Variants in TMEM45B observed in about 807,000 individuals in gnomAD.
The protein encoded by TMEM45B is transmembrane protein 45B.
Under a neutral mutation model 27.3 loss-of-function variants are expected in TMEM45B, and 29 were observed. That is an observed-to-expected ratio of 1.06 (90% CI 0.79 to 1.45). TMEM45B has a LOEUF of 1.45. TMEM45B is among the 40% of genes most tolerant of loss of function. The pLI is 0.00. For missense variants in TMEM45B, 348 were observed against 343.9 expected, an observed-to-expected ratio of 1.01 and a Z score of -0.09; for synonymous variants, 143 against 134.7, an observed-to-expected ratio of 1.06 and a Z score of -0.43.
chr11:129,827,706 G>C (rs1413078597), intron 1 of TMEM45B, among the ~76,000 whole-genome samples: 1 of 152,136 alleles, frequency 6.6e-6, no homozygotes, highest in Non-Finnish European at 1.5e-5. Context: ...GAGAGGCTGA[G>C]ACAGGAGAAT....
Position 129,858,608 on chromosome 11 carries a change from G to T in TMEM45B, c.751G>T (p.Glu251Ter), listed in dbSNP as rs1478836561. 1 of 1,588,022 alleles carries T rather than the reference G, an allele frequency of 6.3e-7. No individual in the cohort carries two copies. The highest frequency in any genetic ancestry group is 2.3e-5 in the East Asian group (1 of 44,388). ...TCGGATGAAGAGACACGGAAGGGGAGAAATCATTGGAATTCAGAAGCTGAA... is the reference window on the plus strand; with the variant it reads ...TCGGATGAAGAGACACGGAAGGGGATAAATCATTGGAATTCAGAAGCTGAA... Reference protein sequence around the residue: ...LTRMKRHGRGEIIGIQKLNSD... With the variant: ...LTRMKRHGRG The change falls in exon 6 of 6, where the codon GAA becomes TAA. Residue 251 changes from glutamate (E) to a stop codon, truncating the protein, a stop_gained. Transcript: ENST00000281441. LOFTEE classifies it high-confidence loss of function.
Position 129,826,410 on chromosome 11 carries a change from G to A in TMEM45B, c.-9+10512G>A, listed in dbSNP as rs377466981. ...TAAAAATACAAAAAATTAGCTGGGC[G>A]TGGTGGCGGGTGCCTGTAGTCCCAG... On this transcript the variant is annotated intron_variant, in intron 1 of 5. Coordinates refer to ENST00000281441, the MANE Select transcript of TMEM45B (RefSeq NM_138788.5). Among the ~76,000 whole-genome samples, 8 of 151,682 alleles carry A rather than the reference G, an allele frequency of 5.3e-5. No individual in the cohort carries two copies. The East Asian group carries it at 7.9e-4, about 15-fold the overall frequency.
chr11:129,819,340 C>T (rs1285385512), intron 1 of TMEM45B, among the ~76,000 whole-genome samples: 1 of 152,136 alleles, frequency 6.6e-6, no homozygotes, highest in Non-Finnish European at 1.5e-5. Context: ...TCTCAGAGAA[C>T]GAGAAGTCTG....
chr11:129,818,445 G>A (rs764333940), intron 1 of TMEM45B, among the ~76,000 whole-genome samples: 2 of 152,294 alleles, frequency 1.3e-5, no homozygotes, highest in Admixed American at 6.5e-5. Flanking sequence ...AGCACAAGGC[G>A]ATGTTTGTAA....
intron 1 of TMEM45B, among the ~76,000 whole-genome samples, chr11:129,833,211 G>A (rs1394488782): frequency 6.6e-6 from 1 of 150,496 alleles, no homozygotes; most frequent in Non-Finnish European, 1.5e-5. Context: ...CTGCACCCCA[G>A]CCTGGGCGAC....
At chr11:129,844,158 T>C (rs1209466867) in intron 1 of TMEM45B, among the ~76,000 whole-genome samples, 1 of 152,170 alleles carries the variant, frequency 6.6e-6, no homozygotes, top group African/African-American at 2.4e-5. Context: ...ACAACATGGA[T>C]GAACCTTGAA....
intron 1 of TMEM45B, among the ~76,000 whole-genome samples, chr11:129,816,736 T>TA: frequency 7.6e-6 from 1 of 131,100 alleles, no homozygotes; most frequent in Non-Finnish European, 1.7e-5. Flanking sequence ...CCACTTCTTT[T>TA]TTTTTTTTTT....
chr11:129,824,161 G>C (rs978400181), intron 1 of TMEM45B, among the ~76,000 whole-genome samples: 1 of 152,130 alleles, frequency 6.6e-6, no homozygotes, highest in Non-Finnish European at 1.5e-5. Context: ...CACTGGGGCT[G>C]TTTATTTCTC....
At chr11:129,837,398 G>C (rs1947633580) in intron 1 of TMEM45B, among the ~76,000 whole-genome samples, 1 of 151,650 alleles carries the variant, frequency 6.6e-6, no homozygotes, top group Non-Finnish European at 1.5e-5. Context: ...AGATTCTCCT[G>C]CCTCAGCCTC....
chr11:129,834,933 G>A lies in TMEM45B; in HGVS notation c.-8-17542G>A, dbSNP rs1362372658. 2.0e-5 allele frequency among the ~76,000 whole-genome samples: 3 copies of A among 152,306 alleles called. No individual in the cohort carries two copies. The East Asian group carries it at 5.8e-4, about 29-fold the overall frequency. On this transcript the variant is annotated intron_variant, in intron 1 of 5. Transcript: ENST00000281441. ...CGTACTTCTGGTGAGATCTTGGACA[G>A]AAATGAGGAACATGATATTAGAAAC...
chr11:129,833,129 A>T (rs982393249), intron 1 of TMEM45B, among the ~76,000 whole-genome samples: 10 of 151,910 alleles, frequency 6.6e-5, no homozygotes, highest in African/African-American at 2.4e-4. Context: ...AGTCCCAGCT[A>T]CTTGGGAGGC....
At chr11:129,851,265 C>A (rs1029759595) in intron 1 of TMEM45B, among the ~76,000 whole-genome samples, 2 of 152,048 alleles carry the variant, frequency 1.3e-5, no homozygotes, top group East Asian at 1.9e-4. Flanking sequence ...TCTTCTCGGC[C>A]GGGTGTGGTG....
rs1405640579 is a variant in TMEM45B, at chr11:129,818,101, C to T, written c.-9+2203C>T. ...TTAGAGGCCACAGGTGAGTGCTGTC[C>T]TCCTCACACTTTCTTTGAACTCTTA... On this transcript the variant is annotated intron_variant, in intron 1 of 5. Coordinates refer to ENST00000281441, the MANE Select transcript of TMEM45B (RefSeq NM_138788.5). Among the ~76,000 whole-genome samples the T allele has an allele frequency of 3.3e-5, 5 of 152,280 alleles. No individual in the cohort carries two copies. In the East Asian group the frequency reaches 9.6e-4, roughly 29 times the overall value.
chr11:129,836,933 A>G (rs1947627005), intron 1 of TMEM45B, among the ~76,000 whole-genome samples: 2 of 152,222 alleles, frequency 1.3e-5, no homozygotes. Context: ...CACATATTAT[A>G]TAATTCAATT....
rs568668059 is a variant in TMEM45B, at chr11:129,856,591, G to A, written c.570+699G>A. Among the ~76,000 whole-genome samples, 355 of 108,964 alleles carry A rather than the reference G, an allele frequency of 3.3e-3. 8 individuals carry two copies. The highest frequency in any genetic ancestry group is 0.013 in the African/African-American group (334 of 26,524). 71.5% of individuals were successfully genotyped at this position (108,964 alleles called of 152,430 possible). On this transcript the variant is annotated intron_variant, in intron 4 of 5. Coordinates refer to ENST00000281441, the MANE Select transcript of TMEM45B (RefSeq NM_138788.5). The stretch of plus-strand genomic sequence containing the variant: ...TTTTTTTTTTCTGAGACAGAGTCTC[G>A]CTTTGTCGCCCAGGCTGGAGTGCAG...
At chr11:129,842,741 G>T (rs1308958522) in intron 1 of TMEM45B, among the ~76,000 whole-genome samples, 2 of 152,192 alleles carry the variant, frequency 1.3e-5, no homozygotes, top group Admixed American at 1.3e-4. Flanking sequence ...TGCTAGCGTT[G>T]ATTTCTTTTT....
chr11:129,826,712 TTTTTTTTTTTTTTGAGACGGA>T (rs1947488123), intron 1 of TMEM45B, among the ~76,000 whole-genome samples: 4 of 41,448 alleles, frequency 9.7e-5, no homozygotes, highest in African/African-American at 2.6e-4. Context: ...TTTGTTTTTC[TTTTTTTTTTTTTTGAGACGGA>T]GTCTCGATCT....
At chr11:129,848,396 C>A (rs2248097) in intron 1 of TMEM45B, among the ~76,000 whole-genome samples, 47 of 148,696 alleles carry the variant, frequency 3.2e-4, no homozygotes, top group Non-Finnish European at 6.1e-4. Context: ...GCCTGCAATC[C>A]CAGGCACTCG....
At chr11:129,851,774 T>G (rs1461335698) in intron 1 of TMEM45B, among the ~76,000 whole-genome samples, 1 of 152,158 alleles carries the variant, frequency 6.6e-6, no homozygotes, top group African/African-American at 2.4e-5. Context: ...AAATCATGCC[T>G]GAAAATTTTT....
Sources: allele counts gnomAD v4.1 joint callset (sites outside exome capture counted in the v4.1 genomes callset), GRCh38; gene constraint gnomAD v4.1.1; transcripts MANE v1.5; gene names NCBI Gene and HGNC (gene_info 2026-07-23, HGNC 2026-07-21).